KAT6A: variants seen among roughly 807,000 people sequenced by gnomAD.
KAT6A encodes the protein lysine acetyltransferase 6A, also known as histone acetyltransferase KAT6A.
In KAT6A, 9 loss-of-function variants were observed where a neutral mutation model predicts 198.4. The ratio of observed to expected loss-of-function variants is 0.05; its 90% CI spans 0.03 to 0.08. The LOEUF (loss-of-function observed/expected upper bound fraction) is 0.08. KAT6A is among the 10% of genes least tolerant of loss of function. The pLI is 1.00. For missense variants in KAT6A, 2,077 were observed against 2,509.9 expected (o/e 0.83, Z 3.69); for synonymous variants, 890 against 883.0 (o/e 1.01, Z -0.14).
At position 41,930,971 on chromosome 8, in the gene KAT6A, T is replaced by C; in HGVS notation, c.*1234A>G. 4.7e-6 allele frequency: 1 copy of C among 210,646 alleles called. No individual in the cohort carries two copies. The highest frequency in any genetic ancestry group is 5.9e-5 in the Admixed American group (1 of 16,930). The allele number at this position is 210,646 out of a possible 1,614,324, so 13.0% of individuals were successfully genotyped here. A position where few individuals can be genotyped will look rare whatever the true frequency, so the allele number is the denominator to read the frequency against. ...ATTCACAGGGGATGAACTCAGGATC[T>C]CAAAAGACATACAAAAACTAGAGGT... On this transcript the variant is annotated 3_prime_UTR_variant, in exon 17 of 17. Transcript: ENST00000265713.
intron 2 of KAT6A, among the ~76,000 whole-genome samples, chr8:42,024,136 G>C (rs549666549): frequency 6.6e-6 from 1 of 152,276 alleles, no homozygotes; most frequent in Non-Finnish European, 1.5e-5. Flanking sequence ...AGCAGTAACA[G>C]GTAGTTGCTT....
intron 15 of KAT6A, 52 bp from the exon 16 acceptor site, chr8:41,937,620 TTAA>T (rs758474237): frequency 7.2e-7 from 1 of 1,396,050 alleles, no homozygotes; most frequent in African/African-American, 1.4e-5. Flanking sequence ...ATCTTTTCTA[TTAA>T]TAATACGAAA....
chr8:41,988,530 C>T (rs916386785), intron 2 of KAT6A, among the ~76,000 whole-genome samples: 3 of 152,072 alleles, frequency 2.0e-5, no homozygotes, highest in African/African-American at 7.2e-5. Flanking sequence ...GTAGCAATAT[C>T]AAAGACAAAC....
rs575227870 is a variant in KAT6A, at chr8:42,038,565, G to A, written c.600+9813C>T. 3.3e-5 allele frequency among the ~76,000 whole-genome samples: 5 copies of A among 152,268 alleles called. No homozygotes were observed. In the East Asian group the frequency reaches 9.6e-4, roughly 29 times the overall value. Reference sequence around the variant, plus strand: ...AATGAAAAAAGCACAAAATTGAGAAGGGCCTGACCAATTCTTCCAGATGGT... The same window carrying A: ...AATGAAAAAAGCACAAAATTGAGAAAGGCCTGACCAATTCTTCCAGATGGT... On this transcript the variant is annotated intron_variant, in intron 2 of 16. Coordinates refer to ENST00000265713, the MANE Select transcript of KAT6A (RefSeq NM_006766.5).
intron 2 of KAT6A, among the ~76,000 whole-genome samples, chr8:42,002,289 G>A (rs181028474): frequency 2.6e-5 from 4 of 152,290 alleles, no homozygotes; most frequent in African/African-American, 9.6e-5. Context: ...TCAACCTGAT[G>A]TACTGTCTCT....
intron 9 of KAT6A, among the ~76,000 whole-genome samples, chr8:41,953,854 G>C (rs1048180915): frequency 6.6e-6 from 1 of 152,176 alleles, no homozygotes; most frequent in African/African-American, 2.4e-5. Context: ...GGTAGTTGAG[G>C]AAGTTCCTGC....
intron 10 of KAT6A, 24 bp downstream of exon 10, chr8:41,949,198 A>G: frequency 6.9e-7 from 1 of 1,456,096 alleles, no homozygotes. Flanking sequence ...GGATGAGAGG[A>G]CAATTACTAA....
chr8:41,986,193 C>T (rs1371156413), intron 3 of KAT6A, among the ~76,000 whole-genome samples: 1 of 152,226 alleles, frequency 6.6e-6, no homozygotes, highest in African/African-American at 2.4e-5. Context: ...CCCGCCTCGG[C>T]CTCCCAAAAT....
chr8:42,015,284 C>T (rs1826219616), intron 2 of KAT6A, among the ~76,000 whole-genome samples: 2 of 152,202 alleles, frequency 1.3e-5, no homozygotes, highest in African/African-American at 4.8e-5. Context: ...CAGATCCCTT[C>T]AACATGGATG....
At chr8:41,965,781 A>G (rs1273090336) in intron 8 of KAT6A, among the ~76,000 whole-genome samples, 4 of 152,192 alleles carry the variant, frequency 2.6e-5, no homozygotes, top group Admixed American at 6.5e-5. Flanking sequence ...GAAAGCTAGT[A>G]ACAAGATGTC....
At position 41,933,676 on chromosome 8, in the gene KAT6A, T is replaced by G; in HGVS notation, c.4544A>C (p.Glu1515Ala). 6.2e-7 allele frequency: 1 copy of G among 1,614,076 alleles called. No homozygotes were observed. The highest frequency in any genetic ancestry group is 8.5e-7 in the Non-Finnish European group (1 of 1,180,004). The change falls in exon 17 of 17, where the codon GAA becomes GCA. Residue 1515 changes from glutamate (E) to alanine (A), a missense_variant. By Grantham distance (107) the Glu-to-Ala change is moderately radical. This residue lies in a region of KAT6A where 178 missense variants were observed against 220.8 expected (regional missense o/e 0.81). Coordinates refer to ENST00000265713, the MANE Select transcript of KAT6A (RefSeq NM_006766.5). This position sits in a 1 kb window ranked among gnomAD's most constrained non-coding sequence, Gnocchi z 6.2. ...AGAGGGTGCGGACAGGGATCCTTGT[T>G]CTGGGCTGATCTGGGTGTAGCCACT... ...LESGYTQISPEQGSLSAPSMQ... is the reference protein window; with the variant it reads ...LESGYTQISPAQGSLSAPSMQ...
At chr8:42,034,521 G>T (rs1278653759) in intron 2 of KAT6A, among the ~76,000 whole-genome samples, 1 of 152,184 alleles carries the variant, frequency 6.6e-6, no homozygotes, top group Non-Finnish European at 1.5e-5. Context: ...AAGCAGAGAA[G>T]TTTAATTTTA....
At position 41,930,728 on chromosome 8, in the gene KAT6A, A is replaced by ATATATATATATTT. The variant is rs1390353664; in HGVS notation, c.*1476_*1477insAAATATATATATA. 1.5e-5 allele frequency: 1 copy of ATATATATATATTT among 67,564 alleles called. No homozygotes were observed. Among genetic ancestry groups the ATATATATATATTT allele is most frequent in the African/African-American group, 5.6e-5 (1 of 17,706 alleles). 4.2% of individuals were successfully genotyped at this position (67,564 alleles called of 1,614,324 possible). On this transcript the variant is annotated 3_prime_UTR_variant, in exon 17 of 17. Transcript: ENST00000265713. ...TGTGTGTGTATATATATATATATAT[A>ATATATATATATTT]TTTTTTTTTTTTTTTTTTTTTTTTT...
intron 2 of KAT6A, among the ~76,000 whole-genome samples, chr8:41,988,762 A>T (rs1334635605): frequency 6.6e-6 from 1 of 152,236 alleles, no homozygotes; most frequent in Non-Finnish European, 1.5e-5. Context: ...AGTCATTTTA[A>T]AGCAGAAAGT....
intron 2 of KAT6A, among the ~76,000 whole-genome samples, chr8:41,999,110 T>G (rs1360280081): frequency 6.6e-6 from 1 of 152,140 alleles, no homozygotes; most frequent in Non-Finnish European, 1.5e-5. Flanking sequence ...TTACTATGTA[T>G]GTAGATTATT....
At chr8:41,997,146 G>C (rs1825255690) in intron 2 of KAT6A, among the ~76,000 whole-genome samples, 1 of 152,090 alleles carries the variant, frequency 6.6e-6, no homozygotes, top group Admixed American at 6.6e-5. Context: ...TAATGCCACT[G>C]AATTATACAC....
At chr8:41,948,365 C>G (rs575979070) in intron 10 of KAT6A, among the ~76,000 whole-genome samples, 1 of 152,298 alleles carries the variant, frequency 6.6e-6, no homozygotes, top group South Asian at 2.1e-4. Context: ...ATCTGACTAC[C>G]ATGATCGGGC....
At chr8:41,984,164 A>G (rs1179927512) in intron 3 of KAT6A, among the ~76,000 whole-genome samples, 1 of 152,182 alleles carries the variant, frequency 6.6e-6, no homozygotes, top group African/African-American at 2.4e-5. Context: ...GCTGCTCCCT[A>G]GGCATTCTTG....
At chr8:41,968,285 A>C (rs1051678311) in intron 8 of KAT6A, among the ~76,000 whole-genome samples, 4 of 152,146 alleles carry the variant, frequency 2.6e-5, no homozygotes, top group African/African-American at 9.7e-5. Context: ...CAAGAAAAAA[A>C]CAAACAACCC....
Sources: gnomAD v4.1 joint callset for allele counts (sites outside exome capture counted in the v4.1 genomes callset) on GRCh38, gnomAD v4.1.1 for gene constraint, gnomAD v4.1.1 regional missense constraint, Gnocchi (gnomAD v3.1) non-coding constraint, MANE v1.5 for transcripts, NCBI Gene and HGNC (gene_info 2026-07-23, HGNC 2026-07-21) for gene names.